The following POU6F2 variants were observed in gnomAD, a reference collection of about 807,000 sequenced individuals.
The protein encoded by POU6F2 is POU class 6 homeobox 2.
In POU6F2, 31 loss-of-function variants were observed where a neutral mutation model predicts 71.3. The observed-to-expected ratio is 0.43, with a 90% CI of 0.33 to 0.59. POU6F2 has a LOEUF of 0.59. Ranked by LOEUF, POU6F2 falls within the 20% of genes least tolerant of loss-of-function variation. The pLI is 0.04. For synonymous variants in POU6F2, 347 were observed against 355.7 expected, an observed-to-expected ratio of 0.98 and a Z score of 0.27; for missense variants, 783 against 856.8, an observed-to-expected ratio of 0.91 and a Z score of 1.07.
intron 1 of POU6F2, among the ~76,000 whole-genome samples, chr7:38,978,596 T>C (rs1232253002): frequency 6.6e-6 from 1 of 152,176 alleles, no homozygotes; most frequent in East Asian, 1.9e-4. Flanking sequence ...GTAGTAGTAG[T>C]CTTGGCTGCT....
At chr7:38,994,907 C>T (rs570143329) in intron 1 of POU6F2, among the ~76,000 whole-genome samples, 7 of 152,316 alleles carry the variant, frequency 4.6e-5, no homozygotes, top group African/African-American at 1.7e-4. Flanking sequence ...CAACCTGCTG[C>T]CATCTTACTT....
intron 1 of POU6F2, among the ~76,000 whole-genome samples, chr7:39,057,900 C>T (rs1790565268): frequency 6.6e-6 from 1 of 152,166 alleles, no homozygotes; most frequent in Admixed American, 6.6e-5. Flanking sequence ...TGAGGCCTCA[C>T]ATTGGGTATT....
Position 39,204,228 on chromosome 7 carries a change from A to G in POU6F2, c.278-7A>G. 6.2e-7 allele frequency: 1 copy of G among 1,612,574 alleles called. No homozygotes were observed. Among genetic ancestry groups the G allele is most frequent in the Non-Finnish European group, 8.5e-7 (1 of 1,178,902 alleles). On this transcript the variant is annotated splice_polypyrimidine_tract_variant and splice_region_variant and intron_variant, in intron 2 of 9. Transcript: ENST00000518318. ...TATTAAGGGAGTATTTCTCTTTTGAATTCCAGGGGCTAGAGGAAACCCAGC... is the reference window on the plus strand; with the variant it reads ...TATTAAGGGAGTATTTCTCTTTTGAGTTCCAGGGGCTAGAGGAAACCCAGC...
intron 2 of POU6F2, among the ~76,000 whole-genome samples, chr7:39,138,637 A>C (rs1174661338): frequency 6.6e-6 from 1 of 152,204 alleles, no homozygotes; most frequent in Non-Finnish European, 1.5e-5. Flanking sequence ...AAAGAAAACA[A>C]GCTCAGGGCT....
At chr7:39,001,107 A>T (rs1336783110) in intron 1 of POU6F2, among the ~76,000 whole-genome samples, 1 of 152,174 alleles carries the variant, frequency 6.6e-6, no homozygotes, top group Non-Finnish European at 1.5e-5. Flanking sequence ...AACCTGTGTG[A>T]CCTATCAGGT....
chr7:39,361,193 G>A (rs1369435318), intron 5 of POU6F2, among the ~76,000 whole-genome samples: 4 of 152,212 alleles, frequency 2.6e-5, no homozygotes, highest in Non-Finnish European at 5.9e-5. Context: ...AAGATTGGCT[G>A]CATAAATGTA....
At chr7:39,331,087 A>G (rs1785639125) in intron 4 of POU6F2, among the ~76,000 whole-genome samples, 1 of 152,182 alleles carries the variant, frequency 6.6e-6, no homozygotes, top group Non-Finnish European at 1.5e-5. Context: ...GGGTTCATTT[A>G]TGTTGCTGCA....
intron 7 of POU6F2, 147 bp from the exon 8 acceptor site, chr7:39,451,386 G>A (rs1788655406): frequency 3.0e-6 from 2 of 676,696 alleles, no homozygotes; most frequent in Non-Finnish European, 2.2e-6. Flanking sequence ...AAAAATGACT[G>A]CCTGCTGTGT....
chr7:39,252,844 C>T (rs965319437), intron 4 of POU6F2, among the ~76,000 whole-genome samples: 5 of 152,196 alleles, frequency 3.3e-5, no homozygotes, highest in African/African-American at 1.2e-4. Context: ...ACTCCCACCC[C>T]ACAGGCACAC....
intron 2 of POU6F2, among the ~76,000 whole-genome samples, chr7:39,143,045 C>T (rs1025191358): frequency 1.3e-5 from 2 of 152,204 alleles, no homozygotes; most frequent in African/African-American, 4.8e-5. Flanking sequence ...CCCCTGCCTT[C>T]ATTTGCATTC....
At chr7:39,228,757 G>C (rs1443584066) in intron 4 of POU6F2, among the ~76,000 whole-genome samples, 1 of 152,188 alleles carries the variant, frequency 6.6e-6, no homozygotes. Context: ...ACAGAAACAA[G>C]AGATTCAAGA....
At chr7:39,014,182 A>C (rs902563234) in intron 1 of POU6F2, among the ~76,000 whole-genome samples, 2 of 152,168 alleles carry the variant, frequency 1.3e-5, no homozygotes, top group Non-Finnish European at 2.9e-5. Flanking sequence ...AGTGTCTTTG[A>C]GTAGTTACTT....
At chr7:39,361,332 A>G (rs1217561045) in intron 5 of POU6F2, among the ~76,000 whole-genome samples, 1 of 152,202 alleles carries the variant, frequency 6.6e-6, no homozygotes, top group Non-Finnish European at 1.5e-5. Context: ...CACAAAGCAT[A>G]ATTAAAGATA....
intron 1 of POU6F2, among the ~76,000 whole-genome samples, chr7:39,006,535 C>A (rs1037585285): frequency 6.6e-6 from 1 of 152,088 alleles, no homozygotes; most frequent in Admixed American, 6.6e-5. Context: ...ACAAGCCACA[C>A]CTTCAAAATT....
At chr7:39,304,691 G>A (rs1364475845) in intron 4 of POU6F2, among the ~76,000 whole-genome samples, 1 of 152,180 alleles carries the variant, frequency 6.6e-6, no homozygotes, top group Admixed American at 6.5e-5. Flanking sequence ...CCCCATGCAA[G>A]CTGAGAGTAC....
chr7:39,270,132 A>G (rs1200719757), intron 4 of POU6F2, among the ~76,000 whole-genome samples: 2 of 152,216 alleles, frequency 1.3e-5, no homozygotes, highest in Non-Finnish European at 2.9e-5. Context: ...TATAGGAATG[A>G]GCAGACTTAG....
chr7:39,416,438 T>C (rs1380987939), intron 6 of POU6F2, among the ~76,000 whole-genome samples: 1 of 152,148 alleles, frequency 6.6e-6, no homozygotes, highest in Non-Finnish European at 1.5e-5. Flanking sequence ...CAGAGCTCAA[T>C]AGAAAACCCT....
At chr7:39,120,319 A>G (rs1442730373) in intron 2 of POU6F2, among the ~76,000 whole-genome samples, 1 of 152,200 alleles carries the variant, frequency 6.6e-6, no homozygotes, top group East Asian at 1.9e-4. Flanking sequence ...ATCTGATTCT[A>G]ATGCTGTGTA....
At chr7:39,355,213 T>C (rs1280360386) in intron 5 of POU6F2, among the ~76,000 whole-genome samples, 1 of 152,222 alleles carries the variant, frequency 6.6e-6, no homozygotes, top group East Asian at 1.9e-4. Flanking sequence ...AAGGGCATGG[T>C]GTTTTTCATG....
Sources: gnomAD v4.1 joint callset for allele counts (sites outside exome capture counted in the v4.1 genomes callset) on GRCh38, gnomAD v4.1.1 for gene constraint, MANE v1.5 for transcripts, NCBI Gene and HGNC (gene_info 2026-07-23, HGNC 2026-07-21) for gene names.